The following CFL1 variants were observed in gnomAD, a reference collection of about 807,000 sequenced individuals.
The protein encoded by CFL1 is cofilin-1.
Under a neutral mutation model 16.3 loss-of-function variants are expected in CFL1, and 2 were observed. The observed-to-expected ratio is 0.12, with a 90% CI of 0.05 to 0.39. The LOEUF is 0.39. Ranked by LOEUF, CFL1 falls within the 10% of genes least tolerant of loss-of-function variation. The probability of loss-of-function intolerance (pLI) is 0.99; values close to 1 mark genes in which losing one functional copy is unlikely to be tolerated. For missense variants in CFL1, 75 were observed against 212.2 expected (o/e 0.35, Z 4.02); for synonymous variants, 111 against 84.4 (o/e 1.31, Z -1.73).
In CFL1 at chr11:65,855,003, G is replaced by A. The variant is rs1859354285; in HGVS notation, c.*333C>T. The A allele has an allele frequency of 3.1e-6, 1 of 319,262 alleles. No homozygotes were observed. The highest frequency in any genetic ancestry group is 6.1e-6 in the Non-Finnish European group (1 of 163,296). 19.8% of individuals were successfully genotyped at this position (319,262 alleles called of 1,614,324 possible). A position where few individuals can be genotyped will look rare whatever the true frequency, so the allele number is the denominator to read the frequency against. On this transcript the variant is annotated 3_prime_UTR_variant, in exon 4 of 4. Coordinates refer to ENST00000308162, the MANE Select transcript of CFL1 (RefSeq NM_005507.3). Reference sequence around the variant, plus strand: ...TATTGCGGTTAGAAGTTGGCAGCATGGGAAGGGGGAGGACCAGGTGGGGAA... The same window carrying A: ...TATTGCGGTTAGAAGTTGGCAGCATAGGAAGGGGGAGGACCAGGTGGGGAA...
Position 65,855,808 on chromosome 11 carries a change from G to A in CFL1, c.312-78C>T, listed in dbSNP as rs897515732. On this transcript the variant is annotated intron_variant, in intron 2 of 3. Coordinates refer to ENST00000308162, the MANE Select transcript of CFL1 (RefSeq NM_005507.3). ...ACTTTGAGAAACCCTTGGGCTGGCAGTGAGGAGTCTTTTGTTACAACCCCC... is the reference window on the plus strand; with the variant it reads ...ACTTTGAGAAACCCTTGGGCTGGCAATGAGGAGTCTTTTGTTACAACCCCC... 15 of 1,506,328 alleles carry A rather than the reference G, an allele frequency of 1.0e-5. No homozygotes were observed. In the African/African-American group the frequency reaches 1.8e-4, roughly 18 times the overall value. 93.3% of individuals were successfully genotyped at this position (1,506,328 alleles called of 1,614,324 possible).
chr11:65,857,460 C>G (rs1859408585), intron 1 of CFL1: 1 of 422,906 alleles, frequency 2.4e-6, no homozygotes, highest in Non-Finnish European at 4.9e-6. Flanking sequence ...AGATGCGCTC[C>G]CGAACGGGCC....
intron 1 of CFL1, 163 bp downstream of exon 1, chr11:65,857,934 G>A (rs1337555001): frequency 9.8e-6 from 6 of 613,762 alleles, no homozygotes; most frequent in Non-Finnish European, 7.3e-6. Flanking sequence ...CGGCGCCCAC[G>A]GGCGCGCACG....
At position 65,854,951 on chromosome 11, in the gene CFL1, G is replaced by T; in HGVS notation, c.*385C>A. On this transcript the variant is annotated 3_prime_UTR_variant, in exon 4 of 4. Coordinates refer to ENST00000308162, the MANE Select transcript of CFL1 (RefSeq NM_005507.3). ...CTCCACAACATTCCATTTATACACA[G>T]AACTAAACAGACAAGCACAGAGTCA... 1 of 237,284 alleles carries T rather than the reference G, an allele frequency of 4.2e-6. No homozygotes were observed. The highest frequency in any genetic ancestry group is 5.1e-5 in the Admixed American group (1 of 19,462). The allele number at this position is 237,284 out of a possible 1,614,324, so 14.7% of individuals were successfully genotyped here.
intron 1 of CFL1, chr11:65,857,569 C>T (rs1193224028): frequency 3.5e-5 from 8 of 226,122 alleles, no homozygotes; most frequent in Non-Finnish European, 6.9e-5. Context: ...CATCACCCCT[C>T]GCCGCGCCAG....
chr11:65,856,178 G>A lies in CFL1; in HGVS notation c.68C>T (p.Ser23Phe), dbSNP rs1565259327. ...KVFNDMKVRK[S>F]STPEEVKKRK... is the part of the protein sequence containing the mutation. ...CTTCTTCACCTCCTCTGGCGTTGAA[G>A]ACTTACGCACCTTCATGTCGTTGAA... Residue 23 changes from serine (S) to phenylalanine (F), a missense_variant, in exon 2 of 4, where the codon TCT becomes TTT. Ser to Phe is a radical substitution (Grantham distance 155). Transcript: ENST00000308162. 2 of 1,614,178 alleles carry A rather than the reference G, an allele frequency of 1.2e-6. No homozygotes were observed. Among genetic ancestry groups the A allele is most frequent in the Non-Finnish European group, 1.7e-6 (2 of 1,180,024 alleles).
chr11:65,855,405 C>T lies in CFL1; in HGVS notation c.432G>A (p.Lys144=). 6.2e-7 allele frequency: 1 copy of T among 1,613,382 alleles called. No homozygotes were observed. The highest frequency in any genetic ancestry group is 8.5e-7 in the Non-Finnish European group (1 of 1,179,846). ...GCTTCTCTGCCAGGGTGCAGCGGTC[C>T]TTGACCTCCTCGTAGCAGTTTGCTT... The part of the protein sequence containing the change: ...ELQANCYEEV[K]DRCTLAEKLG... Residue 144 remains lysine, a synonymous_variant, in exon 4 of 4, where the codon AAG becomes AAA. Coordinates refer to ENST00000308162, the MANE Select transcript of CFL1 (RefSeq NM_005507.3).
Position 65,858,102 on chromosome 11 carries a change from T to A in CFL1, c.-3A>T. The A allele has an allele frequency of 6.5e-7, 1 of 1,533,432 alleles. No individual in the cohort carries two copies. Among genetic ancestry groups the A allele is most frequent in the Non-Finnish European group, 8.8e-7 (1 of 1,140,638 alleles). 95.0% of individuals were successfully genotyped at this position (1,533,432 alleles called of 1,614,324 possible). A position where few individuals can be genotyped will look rare whatever the true frequency, so the allele number is the denominator to read the frequency against. On this transcript the variant is annotated 5_prime_UTR_variant, in exon 1 of 4. Transcript: ENST00000308162. ...CGCCGTGGCCTGCCGCTCACCATGT[T>A]TCCGGAAACGAAAAGGAGAGGGCAC...
Position 65,855,112 on chromosome 11 carries a change from T to G in CFL1, c.*224A>C. ...TTGGTCTGCTTCAGCCCAAGAGGAA[T>G]CAAAAGATCAAAAGCAGTTTGGGAA... On this transcript the variant is annotated 3_prime_UTR_variant, in exon 4 of 4. Coordinates refer to ENST00000308162, the MANE Select transcript of CFL1 (RefSeq NM_005507.3). The G allele has an allele frequency of 3.9e-6, 2 of 509,334 alleles. No homozygotes were observed. The highest frequency in any genetic ancestry group is 7.1e-6 in the Non-Finnish European group (2 of 280,470). The allele number at this position is 509,334 out of a possible 1,614,324, so 31.6% of individuals were successfully genotyped here. A position where few individuals can be genotyped will look rare whatever the true frequency, so the allele number is the denominator to read the frequency against.
At chr11:65,857,452 A>T (rs1859408398) in intron 1 of CFL1, 1 of 428,162 alleles carries the variant, frequency 2.3e-6, no homozygotes, top group Non-Finnish European at 4.8e-6. Flanking sequence ...AGCTCGTTAG[A>T]TGCGCTCCCG....
At chr11:65,857,681 G>A (rs1251322133) in intron 1 of CFL1, 1 of 172,164 alleles carries the variant, frequency 5.8e-6, no homozygotes, top group Non-Finnish European at 1.3e-5. Flanking sequence ...CTTGGGTGGG[G>A]CGCGCGCGCC....
At position 65,856,222 on chromosome 11, in the gene CFL1, A is replaced by G. The variant is rs748312579; in HGVS notation, c.24T>C (p.Ser8=). The G allele has an allele frequency of 1.2e-6, 2 of 1,613,704 alleles. No individual in the cohort carries two copies. Among genetic ancestry groups the G allele is most frequent in the Admixed American group, 1.7e-5 (1 of 60,004 alleles). The stretch of plus-strand genomic sequence containing the variant: ...CGTTGAACACCTTGATGACACCATC[A>G]GAGACAGCCACACCGGAGGCCTAGG... The part of the protein sequence containing the change: MASGVAV[S]DGVIKVFNDM... The change falls in exon 2 of 4, where the codon TCT becomes TCC. Residue 8 remains serine, a synonymous_variant. Transcript: ENST00000308162.
intron 1 of CFL1, chr11:65,857,885 C>T: frequency 8.4e-6 from 3 of 358,576 alleles, no homozygotes; most frequent in East Asian, 4.4e-5. Flanking sequence ...GGGAGGGGAG[C>T]CCAGGCGGAG....
At chr11:65,855,757 T>C (rs1409050324) in intron 2 of CFL1, 27 bp from the exon 3 acceptor site, 1 of 1,526,812 alleles carries the variant, frequency 6.5e-7, no homozygotes, top group Admixed American at 2.2e-5. Flanking sequence ...GTCAGGCAAC[T>C]CCCAGCAACA....
At position 65,856,050 on chromosome 11, in the gene CFL1, C is replaced by T; in HGVS notation, c.196G>A (p.Asp66Asn). The T allele has an allele frequency of 6.2e-7, 1 of 1,614,154 alleles. No homozygotes were observed. The highest frequency in any genetic ancestry group is 8.5e-7 in the Non-Finnish European group (1 of 1,180,024). The change falls in exon 2 of 4, where the codon GAC becomes AAC. Residue 66 changes from aspartate (D) to asparagine (N), a missense_variant. Transcript: ENST00000308162. ...LVGDVGQTVD[D>N]PYATFVKMLP... ...ATCTTGACAAAGGTGGCGTAGGGGTCGTCGACAGTCTGGCCCACATCGCCC... is the reference window on the plus strand; with the variant it reads ...ATCTTGACAAAGGTGGCGTAGGGGTTGTCGACAGTCTGGCCCACATCGCCC...
chr11:65,855,940 G>A lies in CFL1; in HGVS notation c.306C>T (p.Ile102=). 6.2e-7 allele frequency: 1 copy of A among 1,610,068 alleles called. No homozygotes were observed. The highest frequency in any genetic ancestry group is 8.5e-7 in the Non-Finnish European group (1 of 1,176,546). The change falls in exon 2 of 4, where the codon ATC becomes ATT. Residue 102 remains isoleucine (I), a synonymous_variant. Coordinates refer to ENST00000308162, the MANE Select transcript of CFL1 (RefSeq NM_005507.3). ...KESKKEDLVF[I]FWAPESAPLK... ...AAGTGCCAGAATGAGCTCACCAGAA[G>A]ATAAACACCAGATCCTCCTTCTTGC...
At position 65,858,112 on chromosome 11, in the gene CFL1, GA is replaced by G; in HGVS notation, c.-14del. 1 of 1,531,884 alleles carries G rather than the reference GA, an allele frequency of 6.5e-7. No individual in the cohort carries two copies. Among genetic ancestry groups the G allele is most frequent in the Admixed American group, 2.0e-5 (1 of 49,790 alleles). The allele number at this position is 1,531,884 out of a possible 1,614,324, so 94.9% of individuals were successfully genotyped here. A position where few individuals can be genotyped will look rare whatever the true frequency, so the allele number is the denominator to read the frequency against. On this transcript the variant is annotated 5_prime_UTR_variant, in exon 1 of 4. Coordinates refer to ENST00000308162, the MANE Select transcript of CFL1 (RefSeq NM_005507.3). ...TGCCGCTCACCATGTTTCCGGAAAC[GA>G]AAAGGAGAGGGCACCGAGAGCCGCA... is the stretch of plus-strand genomic sequence containing the variant.
chr11:65,856,294 C>T (rs768231783), intron 1 of CFL1, 52 bp from the exon 2 acceptor site: 17 of 1,557,682 alleles, frequency 1.1e-5, no homozygotes, highest in Non-Finnish European at 1.5e-5. Context: ...GGAACTGCCC[C>T]TTGTTTTTTC....
intron 3 of CFL1, 28 bp from the exon 4 acceptor site, chr11:65,855,476 G>C (rs774112410): frequency 1.2e-6 from 2 of 1,607,448 alleles, no homozygotes; most frequent in South Asian, 1.1e-5. Context: ...GAGCATCTGT[G>C]AGCAGGAAGC....
Sources: allele counts gnomAD v4.1 joint callset, GRCh38; gene constraint gnomAD v4.1.1; transcripts MANE v1.5; gene names NCBI Gene and HGNC (gene_info 2026-07-23, HGNC 2026-07-21).